The following STX1B variants were observed in gnomAD, a reference collection of about 807,000 sequenced individuals.
STX1B encodes syntaxin 1B.
A neutral mutation model predicts 39.4 loss-of-function variants in STX1B; 7 were observed. That is an observed-to-expected ratio of 0.18 (90% confidence interval 0.10 to 0.33). The LOEUF is 0.33. Ranked by LOEUF, STX1B falls within the 10% of genes least tolerant of loss-of-function variation. The probability of loss-of-function intolerance (pLI) is 1.00; values close to 1 mark genes in which losing one functional copy is unlikely to be tolerated. For missense variants in STX1B, 198 were observed against 383.2 expected, an observed-to-expected ratio of 0.52 and a Z score of 4.04; for synonymous variants, 136 against 144.1, an observed-to-expected ratio of 0.94 and a Z score of 0.40.
At chr16:30,994,421 C>CA (rs543652303) in intron 7 of STX1B, among the ~76,000 whole-genome samples, 21,508 of 111,200 alleles carry the variant, frequency 0.19, 2,526 homozygotes, top group Middle Eastern at 0.49. Context: ...TTGTTTCTAT[C>CA]AAAAAAAAAA....
intron 7 of STX1B, among the ~76,000 whole-genome samples, chr16:30,994,991 G>A (rs536008612): frequency 1.5e-4 from 20 of 135,728 alleles, no homozygotes; most frequent in African/African-American, 4.1e-4. Flanking sequence ...AGCTCACTGC[G>A]GCCTTGACCT....
intron 1 of STX1B, among the ~76,000 whole-genome samples, 182 bp downstream of exon 1, chr16:31,010,185 C>T (rs1037117270): frequency 6.6e-6 from 1 of 152,114 alleles, no homozygotes; most frequent in African/African-American, 2.4e-5. Flanking sequence ...CTTCCAGGCA[C>T]TGTCCCCAAA....
intron 4 of STX1B, among the ~76,000 whole-genome samples, chr16:31,000,638 C>A (rs1034527374): frequency 6.6e-6 from 1 of 152,082 alleles, no homozygotes; most frequent in African/African-American, 2.4e-5. Context: ...ATTACAGGCG[C>A]CCGCCACCAC....
intron 5 of STX1B, 83 bp downstream of exon 5, chr16:30,997,419 T>A (rs1360752427): frequency 5.9e-6 from 6 of 1,024,774 alleles, no homozygotes; most frequent in Admixed American, 2.2e-5. Flanking sequence ...CCGCCGGTGC[T>A]TGGCCCTGGC....
At chr16:31,000,060 C>T (rs182311545) in intron 4 of STX1B, among the ~76,000 whole-genome samples, 79 of 150,346 alleles carry the variant, frequency 5.3e-4, no homozygotes, top group Admixed American at 2.4e-3. Context: ...TGCAGTGGCG[C>T]GATCTCGGCT....
At chr16:30,996,541 TC>T (rs1449875336) in intron 7 of STX1B, 141 bp downstream of exon 7, 1 of 745,996 alleles carries the variant, frequency 1.3e-6, no homozygotes, top group African/African-American at 1.7e-5. Flanking sequence ...CCTGCTCCGC[TC>T]CCATGGAATT....
rs549265758 is a variant in STX1B at position 31,007,901 on chromosome 16, T to C, written c.30+2466A>G. Among the ~76,000 whole-genome samples, 5 of 152,234 alleles carry C rather than the reference T, an allele frequency of 3.3e-5. No homozygotes were observed. The East Asian group carries it at 5.8e-4, about 18-fold the overall frequency. The stretch of plus-strand genomic sequence containing the variant: ...TTCTCCCAACTCATACGCGAAGAAA[T>C]TGAGGACCAGAGAGGTTAAGCAACT... On this transcript the variant is annotated intron_variant, in intron 1 of 9. Coordinates refer to ENST00000215095, the MANE Select transcript of STX1B (RefSeq NM_052874.5).
At chr16:30,997,760 A>C (rs2056603752) in intron 4 of STX1B, among the ~76,000 whole-genome samples, 185 bp from the exon 5 acceptor site, 1 of 152,202 alleles carries the variant, frequency 6.6e-6, no homozygotes, top group Non-Finnish European at 1.5e-5. Flanking sequence ...ACAGACGAAC[A>C]GACGTTTGAG....
At chr16:30,997,283 A>C (rs947205235) in intron 5 of STX1B, among the ~76,000 whole-genome samples, 50 of 152,054 alleles carry the variant, frequency 3.3e-4, no homozygotes, top group Admixed American at 3.2e-3. Context: ...GGCCAACACC[A>C]GCTAGAGACA....
intron 4 of STX1B, 26 bp from the exon 5 acceptor site, chr16:30,997,601 G>C (rs773670278): frequency 1.3e-6 from 2 of 1,591,430 alleles, no homozygotes; most frequent in Admixed American, 1.8e-5. Flanking sequence ...CGCAGCGATG[G>C]GCGGGAGACC....
At position 31,010,483 on chromosome 16, in the gene STX1B, T is replaced by G. The variant is rs1596724046; in HGVS notation, c.-87A>C. On this transcript the variant is annotated 5_prime_UTR_variant, in exon 1 of 10. Transcript: ENST00000215095. ...CGCCTCTGTGCCGGAGGCCGGGGTCTGGGGGCGCCGGGGGGCGCCGCGGCC... is the reference window on the plus strand; with the variant it reads ...CGCCTCTGTGCCGGAGGCCGGGGTCGGGGGGCGCCGGGGGGCGCCGCGGCC... 3.2e-6 allele frequency: 3 copies of G among 938,488 alleles called. No individual in the cohort carries two copies. Among genetic ancestry groups the G allele is most frequent in the Non-Finnish European group, 2.7e-6 (2 of 738,096 alleles). 58.1% of individuals were successfully genotyped at this position (938,488 alleles called of 1,614,324 possible). A position where few individuals can be genotyped will look rare whatever the true frequency, so the allele number is the denominator to read the frequency against.
chr16:31,000,741 C>T (rs527463918), intron 4 of STX1B, among the ~76,000 whole-genome samples, 187 bp downstream of exon 4: 44 of 152,080 alleles, frequency 2.9e-4, no homozygotes, highest in Admixed American at 4.6e-4. Context: ...TCACCCGCCT[C>T]GGCCTCCCAA....
Position 30,993,267 on chromosome 16 carries a change from G to C in STX1B, c.676-27C>G, listed in dbSNP as rs766183181. 39 of 1,613,796 alleles carry C rather than the reference G, an allele frequency of 2.4e-5. No homozygotes were observed. The East Asian group carries it at 8.7e-4, about 36-fold the overall frequency. ...TGCAGACAGAGGAGACATGCACAGG[G>C]AGGGATGGGGGCTGGGCTGGAAGAG... On this transcript the variant is annotated intron_variant, in intron 8 of 9. Coordinates refer to ENST00000215095, the MANE Select transcript of STX1B (RefSeq NM_052874.5).
Position 31,010,458 on chromosome 16 carries a change from C to G in STX1B, c.-62G>C, listed in dbSNP as rs1596724038. ...GCCTCTGCTGCTGCTCCGGGTCTCC[C>G]GCCTCTGTGCCGGAGGCCGGGGTCT... On this transcript the variant is annotated 5_prime_UTR_variant, in exon 1 of 10. Coordinates refer to ENST00000215095, the MANE Select transcript of STX1B (RefSeq NM_052874.5). 4 of 1,290,210 alleles carry G rather than the reference C, an allele frequency of 3.1e-6. No homozygotes were observed. Among genetic ancestry groups the G allele is most frequent in the Non-Finnish European group, 4.0e-6 (4 of 988,644 alleles). 79.9% of individuals were successfully genotyped at this position (1,290,210 alleles called of 1,614,324 possible). A position where few individuals can be genotyped will look rare whatever the true frequency, so the allele number is the denominator to read the frequency against.
chr16:30,996,800 G>C, intron 6 of STX1B, 44 bp from the exon 7 acceptor site: 1 of 1,606,172 alleles, frequency 6.2e-7, no homozygotes, highest in Non-Finnish European at 8.5e-7. Context: ...GGGACAGCCT[G>C]GGGGCCTGAG....
chr16:31,004,796 A>G (rs1394522514), intron 1 of STX1B, among the ~76,000 whole-genome samples: 1 of 152,048 alleles, frequency 6.6e-6, no homozygotes, highest in African/African-American at 2.4e-5. Context: ...GGCTGATTCC[A>G]TGTTACAGAC....
chr16:31,000,332 GT>G (rs55729102), intron 4 of STX1B, among the ~76,000 whole-genome samples: 113,263 of 123,442 alleles, frequency 0.92, 51,770 homozygotes, highest in Middle Eastern at 0.97. Context: ...TTTGTTTTTT[GT>G]TTTTTTTTTT....
At chr16:31,009,999 C>T (rs181757054) in intron 1 of STX1B, among the ~76,000 whole-genome samples, 1 of 152,068 alleles carries the variant, frequency 6.6e-6, no homozygotes, top group African/African-American at 2.4e-5. Flanking sequence ...GCCCAGTCAC[C>T]GCCCCCATGC....
intron 1 of STX1B, among the ~76,000 whole-genome samples, chr16:31,003,190 T>A (rs1426340695): frequency 6.6e-6 from 1 of 151,806 alleles, no homozygotes; most frequent in Non-Finnish European, 1.5e-5. Context: ...CTCCAGGGAG[T>A]CTTCACACAG....
Sources: gnomAD v4.1 joint callset for allele counts (sites outside exome capture counted in the v4.1 genomes callset) on GRCh38, gnomAD v4.1.1 for gene constraint, MANE v1.5 for transcripts, NCBI Gene and HGNC (gene_info 2026-07-23, HGNC 2026-07-21) for gene names.